BHMT: variants seen among roughly 807,000 people sequenced by gnomAD.
The protein encoded by BHMT is betaine--homocysteine S-methyltransferase, also known as betaine--homocysteine S-methyltransferase 1.
A neutral mutation model predicts 49.5 loss-of-function variants in BHMT; 38 were observed. The ratio of observed to expected loss-of-function variants is 0.77; its 90% CI spans 0.59 to 1.01. BHMT has a LOEUF of 1.01. Ranked by LOEUF, BHMT falls within the 50% of genes least tolerant of loss-of-function variation. The pLI, the probability that BHMT is intolerant of heterozygous loss-of-function variation, is 0.00. For missense variants in BHMT, 426 were observed against 495.7 expected (o/e 0.86, Z 1.34); for synonymous variants, 166 against 176.3 (o/e 0.94, Z 0.46).
intron 4 of BHMT, 154 bp from the exon 5 acceptor site, chr5:79,121,064 T>C: frequency 1.4e-5 from 12 of 864,110 alleles, no homozygotes; most frequent in Non-Finnish European, 1.9e-5. Flanking sequence ...GGCAGGAGAA[T>C]TGCTTGAAAC....
chr5:79,115,631 T>C (rs1489163158), intron 1 of BHMT, 136 bp from the exon 2 acceptor site: 4 of 987,306 alleles, frequency 4.1e-6, no homozygotes, highest in Non-Finnish European at 5.7e-6. Flanking sequence ...TAAATGTATA[T>C]ATAAAATATA....
In BHMT at chr5:79,127,956, T is replaced by TG. The variant is rs751360178; in HGVS notation, c.1011dup (p.His338AlafsTer7). 1 of 1,613,668 alleles carries TG rather than the reference T, an allele frequency of 6.2e-7. No individual in the cohort carries two copies. Among genetic ancestry groups the TG allele is most frequent in the Non-Finnish European group, 8.5e-7 (1 of 1,179,868 alleles). The stretch of plus-strand genomic sequence containing the variant: ...GGCAGCTGGGGAAGTGGTTTGGACA[T>TG]GCACACCAAACCCTGGGTTAGAGCA... On this transcript the variant is annotated frameshift_variant, in exon 7 of 8. Transcript: ENST00000274353. LOFTEE classifies it high-confidence loss of function.
intron 3 of BHMT, chr5:79,120,146 A>C (rs974190646): frequency 2.1e-6 from 1 of 478,516 alleles, no homozygotes; most frequent in East Asian, 3.4e-5. Context: ...TGTCATATAT[A>C]TATTTATTGT....
At chr5:79,129,443 TG>T (rs1299133478) in intron 7 of BHMT, among the ~76,000 whole-genome samples, 1 of 152,084 alleles carries the variant, frequency 6.6e-6, no homozygotes, top group Non-Finnish European at 1.5e-5. Context: ...ATTGAGAAAC[TG>T]GAAGTTTGAG....
intron 1 of BHMT, among the ~76,000 whole-genome samples, chr5:79,115,547 C>T (rs970772696): frequency 6.6e-6 from 1 of 152,058 alleles, no homozygotes; most frequent in Admixed American, 6.6e-5. Flanking sequence ...GACCCCCCCA[C>T]CCACAGCACA....
At chr5:79,129,925 G>A (rs577588854) in intron 7 of BHMT, among the ~76,000 whole-genome samples, 12 of 152,190 alleles carry the variant, frequency 7.9e-5, no homozygotes, top group Admixed American at 3.9e-4. Flanking sequence ...TTGGGAAGCT[G>A]AGGCAGGCGA....
chr5:79,113,593 A>G (rs1284806571), intron 1 of BHMT, among the ~76,000 whole-genome samples: 1 of 152,232 alleles, frequency 6.6e-6, no homozygotes, highest in Non-Finnish European at 1.5e-5. Context: ...CACAAAGAAC[A>G]GTGCCTGTTA....
At chr5:79,127,732 T>C (rs1308103249) in intron 6 of BHMT, 23 bp from the exon 7 acceptor site, 9 of 1,611,722 alleles carry the variant, frequency 5.6e-6, no homozygotes, top group Middle Eastern at 1.6e-4. Context: ...TAATGCCTAA[T>C]GGCATAATGC....
In BHMT at chr5:79,121,201, A is replaced by G; in HGVS notation, c.478-17A>G. 6.2e-7 allele frequency: 1 copy of G among 1,613,666 alleles called. No individual in the cohort carries two copies. Among genetic ancestry groups the G allele is most frequent in the Non-Finnish European group, 8.5e-7 (1 of 1,179,760 alleles). The stretch of plus-strand genomic sequence containing the variant: ...GAGAAACGAGATTAAAAGTACTCTA[A>G]CCTTAACTGATTCCAGTATTTTGAA... On this transcript the variant is annotated splice_polypyrimidine_tract_variant and intron_variant, in intron 4 of 7. Coordinates refer to ENST00000274353, the MANE Select transcript of BHMT (RefSeq NM_001713.3).
Position 79,131,164 on chromosome 5 carries a change from G to T in BHMT, c.*48G>T, listed in dbSNP as rs201906004. The T allele has an allele frequency of 1.9e-5, 30 of 1,548,550 alleles. No individual in the cohort carries two copies. In the African/African-American group the frequency reaches 3.6e-4, roughly 18 times the overall value. On this transcript the variant is annotated 3_prime_UTR_variant, in exon 8 of 8. Transcript: ENST00000274353. Reference sequence around the variant, plus strand: ...TGAATTTCTAGGTGTTTGGGTCACAGTTCCTACAAATACGGAAAAGGGGGT... The same window carrying T: ...TGAATTTCTAGGTGTTTGGGTCACATTTCCTACAAATACGGAAAAGGGGGT...
intron 1 of BHMT, among the ~76,000 whole-genome samples, chr5:79,113,503 A>G (rs1756338391): frequency 6.6e-6 from 1 of 152,242 alleles, no homozygotes; most frequent in Admixed American, 6.5e-5. Flanking sequence ...ATGGACAATA[A>G]CATGTCTACA....
At chr5:79,128,291 T>C (rs972449940) in intron 7 of BHMT, 2 of 246,026 alleles carry the variant, frequency 8.1e-6, no homozygotes, top group South Asian at 1.3e-4. Context: ...GAGGCCAAGG[T>C]AGGAGGATTA....
rs1451255043 is a variant in BHMT at position 79,131,051 on chromosome 5, AAAG to A, written c.1160_1162del (p.Glu387del). On this transcript the variant is annotated inframe_deletion, in exon 8 of 8. Transcript: ENST00000274353. ...AGGAACAGCCGAGCTGATGCAGCAG[AAAG>A]AAGCCACAACTGAGCAGCAGCTGAA... The A allele has an allele frequency of 6.2e-7, 1 of 1,614,056 alleles. No individual in the cohort carries two copies.
At chr5:79,125,975 T>C in intron 5 of BHMT, 71 bp from the exon 6 acceptor site, 7 of 1,457,884 alleles carry the variant, frequency 4.8e-6, no homozygotes, top group East Asian at 2.3e-5. Context: ...TGATTCCTGA[T>C]GAAGAGAGGA....
rs761148760 is a variant in BHMT at position 79,111,933 on chromosome 5, G to C, written c.33+15G>C. On this transcript the variant is annotated intron_variant, in intron 1 of 7. Transcript: ENST00000274353. The stretch of plus-strand genomic sequence containing the variant: ...AGGCCAAGAAGGTGAGTCTCCAGGG[G>C]ACCCGAGGGCGCTCTCCTTCCCCTC... The C allele has an allele frequency of 6.3e-7, 1 of 1,591,220 alleles. No homozygotes were observed. Among genetic ancestry groups the C allele is most frequent in the Middle Eastern group, 1.7e-4 (1 of 6,000 alleles).
rs781699044 is a variant in BHMT, at chr5:79,126,176, C to T, written c.756C>T (p.His252=). 6.2e-7 allele frequency: 1 copy of T among 1,613,858 alleles called. No individual in the cohort carries two copies. The highest frequency in any genetic ancestry group is 1.7e-5 in the Admixed American group (1 of 60,020). ...AHLMSQPLAY[H]TPDCNKQGFI... is the part of the protein sequence containing the mutation. The stretch of plus-strand genomic sequence containing the variant: ...TGATGAGCCAGCCCTTGGCTTACCA[C>T]ACTCCTGACTGCAACAAGCAGGGAT... The change falls in exon 6 of 8, where the codon CAC becomes CAT. Residue 252 remains histidine, a synonymous_variant. Transcript: ENST00000274353.
At position 79,119,302 on chromosome 5, in the gene BHMT, C is replaced by A; in HGVS notation, c.210C>A (p.Val70=). 1.2e-6 allele frequency: 2 copies of A among 1,614,064 alleles called. No homozygotes were observed. Among genetic ancestry groups the A allele is most frequent in the South Asian group, 2.2e-5 (2 of 91,056 alleles). The change falls in exon 3 of 8, where the codon GTC becomes GTA. Residue 70 remains valine, a synonymous_variant. Transcript: ENST00000274353. ...HREFLRAGSN[V]MQTFTFYASE... ...AGTTCCTCAGAGCTGGCTCAAACGTCATGCAGACCTTCACCTTCTATGCGA... is the reference window on the plus strand; with the variant it reads ...AGTTCCTCAGAGCTGGCTCAAACGTAATGCAGACCTTCACCTTCTATGCGA...
chr5:79,131,320 C>A lies in BHMT; in HGVS notation c.*204C>A. On this transcript the variant is annotated 3_prime_UTR_variant, in exon 8 of 8. Coordinates refer to ENST00000274353, the MANE Select transcript of BHMT (RefSeq NM_001713.3). ...AATTTTCTTAGGAGCAAAATAAGTA[C>A]AAAGTAAATCTTGAACAGGTTCACT... is the stretch of plus-strand genomic sequence containing the variant. 2.0e-6 allele frequency: 1 copy of A among 511,528 alleles called. No individual in the cohort carries two copies. 31.7% of individuals were successfully genotyped at this position (511,528 alleles called of 1,614,324 possible). A position where few individuals can be genotyped will look rare whatever the true frequency, so the allele number is the denominator to read the frequency against.
At position 79,130,982 on chromosome 5, in the gene BHMT, T is replaced by A; in HGVS notation, c.1087T>A (p.Tyr363Asn). ...ENLRIASGRP[Y>N]NPSMSKPDGW... ...TCTTCGGATAGCCTCAGGCCGGCCA[T>A]ACAACCCTTCAATGTCAAAGCCAGA... The change falls in exon 8 of 8, where the codon TAC becomes AAC. Residue 363 changes from tyrosine to asparagine, a missense_variant. Physicochemically the swap from Tyr to Asn is moderately radical, Grantham distance 143. Coordinates refer to ENST00000274353, the MANE Select transcript of BHMT (RefSeq NM_001713.3). The A allele has an allele frequency of 6.2e-7, 1 of 1,613,960 alleles. No homozygotes were observed. Among genetic ancestry groups the A allele is most frequent in the Non-Finnish European group, 8.5e-7 (1 of 1,179,978 alleles).
Sources: allele counts gnomAD v4.1 joint callset (sites outside exome capture counted in the v4.1 genomes callset), GRCh38; gene constraint gnomAD v4.1.1; transcripts MANE v1.5; gene names NCBI Gene and HGNC (gene_info 2026-07-23, HGNC 2026-07-21).